Variants in DHRS12 observed in about 807,000 individuals in gnomAD.
The protein encoded by DHRS12 is dehydrogenase/reductase SDR family member 12.
Under a neutral mutation model 32.1 loss-of-function variants are expected in DHRS12, and 29 were observed. That is an observed-to-expected ratio of 0.90 (90% CI 0.67 to 1.23). DHRS12 has a LOEUF of 1.23. Ranked by LOEUF, DHRS12 falls within the 50% of genes most tolerant of loss-of-function variation. The pLI, the probability that DHRS12 is intolerant of heterozygous loss-of-function variation, is 0.00. For missense variants in DHRS12, 330 were observed against 337.2 expected, an observed-to-expected ratio of 0.98 and a Z score of 0.17; for synonymous variants, 150 against 135.9, an observed-to-expected ratio of 1.10 and a Z score of -0.72.
chr13:51,763,105 T>C (rs1953640308), downstream of DHRS12: 1 of 152,122 alleles, frequency 6.6e-6, no homozygotes, highest in African/African-American at 2.4e-5. Flanking sequence ...GAAAACACAT[T>C]AGTTATACAG....
Position 51,769,310 on chromosome 13 carries a change from T to C in DHRS12, c.560-17A>G. The C allele has an allele frequency of 6.5e-7, 1 of 1,531,888 alleles. No homozygotes were observed. Among genetic ancestry groups the C allele is most frequent in the Non-Finnish European group, 8.8e-7 (1 of 1,138,378 alleles). 94.9% of individuals were successfully genotyped at this position (1,531,888 alleles called of 1,614,324 possible). On this transcript the variant is annotated splice_polypyrimidine_tract_variant and intron_variant, in intron 7 of 8. Coordinates refer to ENST00000444610, the MANE Select transcript of DHRS12 (RefSeq NM_001377533.1). Reference sequence around the variant, plus strand: ...GCCTCACACCTGGGAGAAGGAAGGGTCAGGCGGATTAGGACAGCATTCTCC... The same window carrying C: ...GCCTCACACCTGGGAGAAGGAAGGGCCAGGCGGATTAGGACAGCATTCTCC...
At position 51,768,019 on chromosome 13, in the gene DHRS12, G is replaced by A. The variant is rs951562668; in HGVS notation, c.*168C>T. 6 of 1,424,552 alleles carry A rather than the reference G, an allele frequency of 4.2e-6. 1 individual carries two copies. The South Asian group carries it at 6.2e-5, about 15-fold the overall frequency. 88.2% of individuals were successfully genotyped at this position (1,424,552 alleles called of 1,614,324 possible). On this transcript the variant is annotated 3_prime_UTR_variant, in exon 9 of 9. Transcript: ENST00000444610. ...TCAAGGTGAGCCTGATCACAGCCTC[G>A]GTAGTATTTATTTTGAAATAAAAGT...
At chr13:51,795,767 T>C (rs903729723) in intron 2 of DHRS12, among the ~76,000 whole-genome samples, 4 of 152,148 alleles carry the variant, frequency 2.6e-5, no homozygotes, top group African/African-American at 9.7e-5. Flanking sequence ...CCCCCTTCCT[T>C]TCACCTAGCA....
At chr13:51,768,382 G>A (rs538773008) in intron 8 of DHRS12, 86 bp from the exon 9 acceptor site, 774 of 1,517,268 alleles carry the variant, frequency 5.1e-4, no homozygotes, top group Non-Finnish European at 6.3e-4. Flanking sequence ...GCCTTGAACC[G>A]ACGCCTGCTG....
At chr13:51,768,586 C>A (rs1269352975) in intron 8 of DHRS12, 1 of 1,248,896 alleles carries the variant, frequency 8.0e-7, no homozygotes, top group Non-Finnish European at 1.0e-6. Context: ...CAGGGGTCAC[C>A]AGCGCTTCAG....
At chr13:51,799,750 T>C in intron 1 of DHRS12, 83 bp from the exon 2 acceptor site, 1 of 1,513,618 alleles carries the variant, frequency 6.6e-7, no homozygotes, top group Non-Finnish European at 9.0e-7. Context: ...AATTCTAGGA[T>C]GGGCATTATT....
the DHRS12 span, chr13:51,755,516 T>C: frequency 1.3e-6 from 2 of 1,551,460 alleles, no homozygotes; most frequent in Non-Finnish European, 1.8e-6. Context: ...CTCAACCATG[T>C]GATCTTAGAA....
chr13:51,769,109 G>A (rs1233680110), intron 8 of DHRS12, 47 bp downstream of exon 8: 1 of 1,547,760 alleles, frequency 6.5e-7, no homozygotes, highest in South Asian at 1.2e-5. Context: ...CCCAGCTGCT[G>A]CCCCTAGCCC....
chr13:51,791,129 A>C, intron 3 of DHRS12, 36 bp downstream of exon 3: 1 of 1,425,642 alleles, frequency 7.0e-7, no homozygotes, highest in Non-Finnish European at 9.6e-7. Flanking sequence ...ATGGGCCAAC[A>C]TGAATTTATT....
chr13:51,771,220 G>T (rs995025696), intron 7 of DHRS12: 2 of 1,551,516 alleles, frequency 1.3e-6, no homozygotes, highest in Admixed American at 3.9e-5. Flanking sequence ...TGGGGTGTGT[G>T]CTGTGGCTGC....
intron 7 of DHRS12, among the ~76,000 whole-genome samples, chr13:51,769,602 TAA>T (rs751953494): frequency 9.9e-5 from 15 of 152,204 alleles, no homozygotes; most frequent in Non-Finnish European, 1.6e-4. Flanking sequence ...CTTTCCATCC[TAA>T]GAGAGGATTC....
At chr13:51,777,495 TCAAGGGTGGAATTCAGTAAAA>T (rs1202144849) in intron 4 of DHRS12, 1 of 221,464 alleles carries the variant, frequency 4.5e-6, no homozygotes, top group African/African-American at 2.3e-5. Flanking sequence ...AAATTAGGTC[TCAAGGGTGGAATTCAGTAAAA>T]TTTTTCCTTC....
At chr13:51,788,570 C>T (rs116908860) in intron 4 of DHRS12, among the ~76,000 whole-genome samples, 5,855 of 152,068 alleles carry the variant, frequency 0.039, 157 homozygotes, top group Middle Eastern at 0.068. Flanking sequence ...TTAGCCTGGG[C>T]GCAGTGACTC....
Position 51,768,269 on chromosome 13 carries a change from G to A in DHRS12, c.725C>T (p.Pro242Leu). Residue 242 changes from proline (P) to leucine (L), a missense_variant, in exon 9 of 9, where the codon CCT (proline) becomes CTT (leucine). Coordinates refer to ENST00000444610, the MANE Select transcript of DHRS12 (RefSeq NM_001377533.1). ...CGGTGAGGAGGACGCTGTAGCGAGA[G>A]GCAAGTGTGTAGAAACTGGCTTCCG... ...QDRKPVSTHL[P>L]LATASSSPAE... 1 of 1,536,120 alleles carries A rather than the reference G, an allele frequency of 6.5e-7. No homozygotes were observed. The highest frequency in any genetic ancestry group is 1.2e-5 in the South Asian group (1 of 84,054).
At chr13:51,756,262 G>A in the DHRS12 span, 2 of 1,548,800 alleles carry the variant, frequency 1.3e-6, no homozygotes, top group African/African-American at 2.7e-5. Context: ...TCTGCCAGGA[G>A]GGGTGAGATG....
At position 51,769,112 on chromosome 13, in the gene DHRS12, C is replaced by T. The variant is rs1470384925; in HGVS notation, c.697+44G>A. On this transcript the variant is annotated intron_variant, in intron 8 of 8. Transcript: ENST00000444610. ...GCGCCTCGAAGGCCCAGCTGCTGCCCCTAGCCCTGTGTCAGCTGCCTTCAC... is the reference window on the plus strand; with the variant it reads ...GCGCCTCGAAGGCCCAGCTGCTGCCTCTAGCCCTGTGTCAGCTGCCTTCAC... 4 of 1,548,436 alleles carry T rather than the reference C, an allele frequency of 2.6e-6. No homozygotes were observed. In the South Asian group the frequency reaches 3.6e-5, roughly 14 times the overall value.
intron 5 of DHRS12, among the ~76,000 whole-genome samples, chr13:51,776,692 C>A (rs1178383114): frequency 6.6e-6 from 1 of 152,172 alleles, no homozygotes; most frequent in Non-Finnish European, 1.5e-5. Context: ...TGGGGGAGAA[C>A]AGGCTCCAGT....
At chr13:51,755,973 C>A in the DHRS12 span, among the ~76,000 whole-genome samples, 4 of 152,076 alleles carry the variant, frequency 2.6e-5, no homozygotes, top group Non-Finnish European at 5.9e-5. Context: ...TGTTCTCCTT[C>A]ATCCAGCAGC....
chr13:51,803,815 C>A, intron 1 of DHRS12: 2 of 346,606 alleles, frequency 5.8e-6, no homozygotes. Flanking sequence ...GGGCGCGCCA[C>A]AGCCCCGCCC....
Sources: gnomAD v4.1 joint callset for allele counts (sites outside exome capture counted in the v4.1 genomes callset) on GRCh38, gnomAD v4.1.1 for gene constraint, MANE v1.5 for transcripts, NCBI Gene and HGNC (gene_info 2026-07-23, HGNC 2026-07-21) for gene names.